Variants in PRUNE2 observed in about 807,000 individuals in gnomAD.
PRUNE2 encodes prune homolog 2 with BCH domain.
A neutral mutation model predicts 252.0 loss-of-function variants in PRUNE2; 164 were observed. The observed-to-expected ratio is 0.65, with a 90% confidence interval of 0.57 to 0.74. The LOEUF (loss-of-function observed/expected upper bound fraction) is 0.74, where lower values mean the gene tolerates loss of function less well. Among genes scored for constraint, PRUNE2 ranks in the 30% least tolerant of loss-of-function variants. PRUNE2 has a pLI of 0.00. For missense variants in PRUNE2, 3,495 were observed against 3,711.0 expected (o/e 0.94, Z 1.51); for synonymous variants, 1,292 against 1,350.2 (o/e 0.96, Z 0.94).
intron 12 of PRUNE2, among the ~76,000 whole-genome samples, chr9:76,641,744 C>G (rs963206104): frequency 5.3e-5 from 8 of 151,978 alleles, no homozygotes; most frequent in African/African-American, 1.2e-4. Flanking sequence ...GCAACCCCCC[C>G]CCAGGAGTCT....
At chr9:76,786,246 A>G (rs2054965381) in intron 6 of PRUNE2, 1 of 152,220 alleles carries the variant, frequency 6.6e-6, no homozygotes, top group African/African-American at 2.4e-5. Flanking sequence ...ATAGTCCAAT[A>G]AATAATGTTA....
chr9:76,769,320 CT>C (rs1304570249), intron 6 of PRUNE2, among the ~76,000 whole-genome samples: 1 of 152,198 alleles, frequency 6.6e-6, no homozygotes, highest in Non-Finnish European at 1.5e-5. Flanking sequence ...TACAGAATAA[CT>C]GAACTGTTTT....
rs144827650 is a variant in PRUNE2 at position 76,779,389 on chromosome 9, G to A, written c.756+44243C>T. Among the ~76,000 whole-genome samples, 300 of 152,266 alleles carry A rather than the reference G, an allele frequency of 2.0e-3. 2 individuals carry two copies. Among genetic ancestry groups the A allele is most frequent in the Non-Finnish European group, 3.6e-3 (248 of 68,018 alleles). On this transcript the variant is annotated intron_variant, in intron 6 of 18. Coordinates refer to ENST00000376718, the MANE Select transcript of PRUNE2 (RefSeq NM_015225.3). Reference sequence around the variant, plus strand: ...TTTACAGTTTCCTTCCAAAGCCAACGTCGAATTTTGAAACATATCAAAGCT... The same window carrying A: ...TTTACAGTTTCCTTCCAAAGCCAACATCGAATTTTGAAACATATCAAAGCT...
intron 6 of PRUNE2, chr9:76,819,241 C>T (rs56370399): frequency 0.14 from 20,704 of 151,958 alleles, 1,443 homozygotes; most frequent in Non-Finnish European, 0.15. Flanking sequence ...CAGGGCAAGA[C>T]GCTGTCTCAA....
chr9:76,618,509 G>C (rs1830673409), intron 18 of PRUNE2, among the ~76,000 whole-genome samples: 1 of 152,176 alleles, frequency 6.6e-6, no homozygotes. Flanking sequence ...GCTTGCTGGT[G>C]ACCACAGTTT....
Position 76,703,374 on chromosome 9 carries a change from A to C in PRUNE2, c.8239T>G (p.Phe2747Val). ...GATATCCTGGTTCCGAGCTCAAGGA[A>C]CTCTGTCTCCTCCTCCATTTCCGTG... The part of the protein sequence containing the change: ...PDTEMEEETE[F>V]LELGTRISRP... The change falls in exon 9 of 19, where the codon TTC becomes GTC. Residue 2747 changes from phenylalanine (F) to valine (V), a missense_variant. Coordinates refer to ENST00000376718, the MANE Select transcript of PRUNE2 (RefSeq NM_015225.3). 6.2e-7 allele frequency: 1 copy of C among 1,607,258 alleles called. No individual in the cohort carries two copies. The highest frequency in any genetic ancestry group is 8.5e-7 in the Non-Finnish European group (1 of 1,176,416).
Position 76,767,577 on chromosome 9 carries a change from G to A in PRUNE2, c.757-53856C>T, listed in dbSNP as rs967524599. ...AAAAGAACTATTTTCCAGAACCTTC[G>A]CTTCTGTGACTGCATGACACTACTC... On this transcript the variant is annotated intron_variant, in intron 6 of 18. Coordinates refer to ENST00000376718, the MANE Select transcript of PRUNE2 (RefSeq NM_015225.3). Among the ~76,000 whole-genome samples, 12 of 152,072 alleles carry A rather than the reference G, an allele frequency of 7.9e-5. 1 individual carries two copies. The highest frequency in any genetic ancestry group is 6.5e-4 in the Admixed American group (10 of 15,274).
At chr9:76,814,057 A>C (rs945002241) in intron 6 of PRUNE2, among the ~76,000 whole-genome samples, 55 of 152,064 alleles carry the variant, frequency 3.6e-4, no homozygotes, top group African/African-American at 1.2e-3. Flanking sequence ...CAGGTGATCC[A>C]CCCGCCTCGG....
intron 11 of PRUNE2, chr9:76,651,848 T>G (rs1288030159): frequency 1.3e-5 from 2 of 152,162 alleles, no homozygotes; most frequent in South Asian, 2.1e-4. Context: ...GAGCATACAT[T>G]CGAGTGGTAA....
intron 6 of PRUNE2, chr9:76,748,860 G>A (rs975194980): frequency 2.0e-5 from 3 of 152,374 alleles, no homozygotes; most frequent in Admixed American, 6.5e-5. Flanking sequence ...AGCTGCCCAC[G>A]GTTCAGTACA....
intron 6 of PRUNE2, among the ~76,000 whole-genome samples, chr9:76,775,301 T>C (rs190757801): frequency 1.3e-5 from 2 of 148,832 alleles, no homozygotes; most frequent in Non-Finnish European, 1.5e-5. Flanking sequence ...TTTTGTACTT[T>C]GTCTTTTTTT....
intron 6 of PRUNE2, among the ~76,000 whole-genome samples, chr9:76,821,458 G>C (rs1018023505): frequency 6.6e-5 from 10 of 152,132 alleles, no homozygotes; most frequent in Non-Finnish European, 1.5e-4. Flanking sequence ...ATTAAACTCT[G>C]ACATTAACTT....
At chr9:76,754,297 G>A (rs549557330) in intron 6 of PRUNE2, among the ~76,000 whole-genome samples, 128 of 152,278 alleles carry the variant, frequency 8.4e-4, no homozygotes, top group African/African-American at 2.6e-3. Context: ...CAGAATAACA[G>A]ATCTATCTCT....
chr9:76,830,948 G>C (rs1247660519), intron 4 of PRUNE2, among the ~76,000 whole-genome samples: 2 of 98,124 alleles, frequency 2.0e-5, no homozygotes, highest in South Asian at 6.4e-4. Flanking sequence ...TTTTTTTTTT[G>C]AGACGGAGTC....
At chr9:76,667,285 G>C (rs951932247) in intron 9 of PRUNE2, among the ~76,000 whole-genome samples, 4 of 152,194 alleles carry the variant, frequency 2.6e-5, no homozygotes, top group African/African-American at 9.6e-5. Context: ...AAAGAATGAG[G>C]TTCTTCCGAA....
Position 76,897,962 on chromosome 9 carries a change from G to A in PRUNE2, c.36+7966C>T, listed in dbSNP as rs191762247. Among the ~76,000 whole-genome samples, 376 of 152,178 alleles carry A rather than the reference G, an allele frequency of 2.5e-3. 2 individuals carry two copies. The highest frequency in any genetic ancestry group is 8.4e-3 in the African/African-American group (349 of 41,502). ...GGCCTTTTCATGTTTTTATTACTGT[G>A]CCTGGAGATCACGTCCTCGTCTCAG... On this transcript the variant is annotated intron_variant, in intron 1 of 18. Coordinates refer to ENST00000376718, the MANE Select transcript of PRUNE2 (RefSeq NM_015225.3).
At chr9:76,620,305 A>G (rs1031199073) in intron 17 of PRUNE2, among the ~76,000 whole-genome samples, 1 of 151,892 alleles carries the variant, frequency 6.6e-6, no homozygotes, top group Non-Finnish European at 1.5e-5. Flanking sequence ...ATGCCCGGCT[A>G]ATTTTCATAT....
intron 10 of PRUNE2, among the ~76,000 whole-genome samples, chr9:76,654,887 G>C (rs563045716): frequency 6.6e-6 from 1 of 152,184 alleles, no homozygotes; most frequent in East Asian, 1.9e-4. Context: ...CCTGGAGTTG[G>C]TGTAATGCAA....
chr9:76,644,934 A>G (rs512951), intron 11 of PRUNE2, 25 bp from the exon 12 acceptor site: 976,165 of 1,604,638 alleles, frequency 0.61, 298,524 homozygotes, highest in South Asian at 0.72. Flanking sequence ...GCACAGAGCA[A>G]GGCTGAAGGA....
Sources: allele counts gnomAD v4.1 joint callset (sites outside exome capture counted in the v4.1 genomes callset), GRCh38; gene constraint gnomAD v4.1.1; transcripts MANE v1.5; gene names NCBI Gene and HGNC (gene_info 2026-07-23, HGNC 2026-07-21).